The following SLC4A4 variants were observed in gnomAD, a reference collection of about 807,000 sequenced individuals.
SLC4A4 encodes the protein electrogenic sodium bicarbonate cotransporter 1.
Under a neutral mutation model 111.5 loss-of-function variants are expected in SLC4A4, and 27 were observed. That is an observed-to-expected ratio of 0.24 (90% CI 0.18 to 0.33). The LOEUF is 0.33. SLC4A4 is among the 10% of genes least tolerant of loss of function. The probability of loss-of-function intolerance (pLI) is 1.00; values close to 1 mark genes in which losing one functional copy is unlikely to be tolerated. For missense variants in SLC4A4, 909 were observed against 1,315.5 expected (o/e 0.69, Z 4.78); for synonymous variants, 443 against 463.4 (o/e 0.96, Z 0.57).
chr4:71,506,729 T>G (rs1209447206), intron 16 of SLC4A4, among the ~76,000 whole-genome samples: 1 of 152,042 alleles, frequency 6.6e-6, no homozygotes, highest in Admixed American at 6.6e-5. Context: ...TATTCAAATT[T>G]TGGAAATGCA....
At chr4:71,544,286 C>G (rs531501665) in intron 18 of SLC4A4, among the ~76,000 whole-genome samples, 3 of 151,736 alleles carry the variant, frequency 2.0e-5, no homozygotes, top group Admixed American at 6.6e-5. Flanking sequence ...TAGGACTGAG[C>G]GAGAGAAAGA....
At chr4:71,415,222 T>A (rs1409542847) in intron 7 of SLC4A4, among the ~76,000 whole-genome samples, 1 of 152,232 alleles carries the variant, frequency 6.6e-6, no homozygotes, top group African/African-American at 2.4e-5. Context: ...TACAAACTGG[T>A]GGAAGAAATT....
chr4:71,538,395 C>T (rs1472413186), intron 18 of SLC4A4, among the ~76,000 whole-genome samples: 1 of 152,052 alleles, frequency 6.6e-6, no homozygotes, highest in Non-Finnish European at 1.5e-5. Context: ...TTCAGAATTG[C>T]CACTTGAAAT....
chr4:71,332,275 T>C (rs1728061607), intron 3 of SLC4A4, among the ~76,000 whole-genome samples: 1 of 152,138 alleles, frequency 6.6e-6, no homozygotes, highest in African/African-American at 2.4e-5. Context: ...GTTTTTTGTT[T>C]GAAGTTTTTC....
intron 3 of SLC4A4, among the ~76,000 whole-genome samples, chr4:71,328,898 C>A (rs1388554274): frequency 3.9e-5 from 6 of 152,004 alleles, no homozygotes; most frequent in Non-Finnish European, 8.8e-5. Flanking sequence ...TTTGCCCAGT[C>A]CAATATCCTG....
intron 12 of SLC4A4, among the ~76,000 whole-genome samples, chr4:71,465,390 A>G (rs961401246): frequency 6.6e-5 from 10 of 151,764 alleles, no homozygotes; most frequent in East Asian, 2.0e-4. Context: ...TCATCTTTTT[A>G]TGTTTAAAAA....
At chr4:71,490,104 T>A (rs986644249) in intron 15 of SLC4A4, among the ~76,000 whole-genome samples, 1 of 151,852 alleles carries the variant, frequency 6.6e-6, no homozygotes, top group African/African-American at 2.4e-5. Context: ...ATTTCTTGCT[T>A]GGTATATCCC....
chr4:71,321,157 T>C (rs925779160), intron 3 of SLC4A4, among the ~76,000 whole-genome samples: 22 of 152,148 alleles, frequency 1.4e-4, no homozygotes, highest in African/African-American at 5.3e-4. Context: ...ATACCCACTC[T>C]AATCTAGGTT....
intron 12 of SLC4A4, among the ~76,000 whole-genome samples, chr4:71,455,984 G>A (rs1160208436): frequency 6.6e-6 from 1 of 152,128 alleles, no homozygotes; most frequent in African/African-American, 2.4e-5. Context: ...GGTGGAATTA[G>A]CTATTTTCTG....
chr4:71,305,449 G>A (rs1361866855), intron 3 of SLC4A4, among the ~76,000 whole-genome samples: 1 of 152,210 alleles, frequency 6.6e-6, no homozygotes, highest in Non-Finnish European at 1.5e-5. Context: ...TAAGGGTTTA[G>A]CATGTTAAAT....
chr4:71,200,436 G>A (rs3113798), intron 1 of SLC4A4, among the ~76,000 whole-genome samples: 4 of 151,820 alleles, frequency 2.6e-5, no homozygotes, highest in African/African-American at 9.7e-5. Context: ...TATAATTTTC[G>A]CTCTTGTTCA....
chr4:71,321,979 A>G (rs974579623), intron 3 of SLC4A4, among the ~76,000 whole-genome samples: 10 of 151,998 alleles, frequency 6.6e-5, no homozygotes, highest in Non-Finnish European at 1.3e-4. Flanking sequence ...AACTTCACAA[A>G]AGTTGAGGAT....
At chr4:71,291,279 T>C (rs1010681697) in intron 3 of SLC4A4, among the ~76,000 whole-genome samples, 6 of 152,210 alleles carry the variant, frequency 3.9e-5, no homozygotes, top group Non-Finnish European at 8.8e-5. Context: ...TGTATACATA[T>C]GTAACAAACC....
intron 2 of SLC4A4, among the ~76,000 whole-genome samples, chr4:71,146,987 G>A (rs1450285568): frequency 6.6e-6 from 1 of 152,136 alleles, no homozygotes; most frequent in African/African-American, 2.4e-5. Flanking sequence ...CTGTATTCAG[G>A]AAACCCATCT....
At chr4:71,323,130 T>A (rs1383770354) in intron 3 of SLC4A4, among the ~76,000 whole-genome samples, 1 of 152,032 alleles carries the variant, frequency 6.6e-6, no homozygotes, top group Non-Finnish European at 1.5e-5. Flanking sequence ...ACATGACTAT[T>A]CTCAATTTAG....
intron 3 of SLC4A4, among the ~76,000 whole-genome samples, chr4:71,283,382 C>T (rs942332248): frequency 4.6e-5 from 7 of 152,250 alleles, no homozygotes; most frequent in African/African-American, 1.4e-4. Context: ...ATTTGACCCA[C>T]GGGGAGCTTC....
At chr4:71,204,620 T>C (rs532648888) in intron 1 of SLC4A4, among the ~76,000 whole-genome samples, 1 of 152,280 alleles carries the variant, frequency 6.6e-6, no homozygotes, top group African/African-American at 2.4e-5. Context: ...AGTCTCTTTG[T>C]AACTAGTAAA....
intron 12 of SLC4A4, among the ~76,000 whole-genome samples, chr4:71,454,652 T>C (rs1422277707): frequency 6.6e-6 from 1 of 152,168 alleles, no homozygotes; most frequent in Non-Finnish European, 1.5e-5. Flanking sequence ...AATACAAAAA[T>C]ACTATGGAGA....
chr4:71,526,287 G>A lies in SLC4A4; in HGVS notation c.2167-5775G>A, dbSNP rs541154668. 2.0e-5 allele frequency among the ~76,000 whole-genome samples: 3 copies of A among 152,142 alleles called. No individual in the cohort carries two copies. In the East Asian group the frequency reaches 5.8e-4, roughly 29 times the overall value. On this transcript the variant is annotated intron_variant, in intron 16 of 25. Transcript: ENST00000264485. ...TCTTAATAATAAACACTCTCCAGGA[G>A]TGATTTCTGCTGTAATTAAACTAAT...
Sources: gnomAD v4.1 joint callset for allele counts (sites outside exome capture counted in the v4.1 genomes callset) on GRCh38, gnomAD v4.1.1 for gene constraint, MANE v1.5 for transcripts, NCBI Gene and HGNC (gene_info 2026-07-23, HGNC 2026-07-21) for gene names.